Variants in ABHD2 observed in about 807,000 individuals in gnomAD.
ABHD2 encodes the protein monoacylglycerol lipase ABHD2.
A neutral mutation model predicts 48.1 loss-of-function variants in ABHD2; 20 were observed. The observed-to-expected ratio is 0.42, with a 90% confidence interval of 0.29 to 0.60. The LOEUF (loss-of-function observed/expected upper bound fraction) is 0.60, where lower values mean the gene tolerates loss of function less well. Among genes scored for constraint, ABHD2 ranks in the 20% least tolerant of loss-of-function variants. The pLI is 0.24. For synonymous variants in ABHD2, 209 were observed against 214.2 expected, an observed-to-expected ratio of 0.98 and a Z score of 0.21; for missense variants, 405 against 550.9, an observed-to-expected ratio of 0.74 and a Z score of 2.65.
chr15:89,152,829 C>T lies in ABHD2; in HGVS notation c.370+977C>T, dbSNP rs2050615130. On this transcript the variant is annotated intron_variant, in intron 4 of 10. Coordinates refer to ENST00000352732, the MANE Select transcript of ABHD2 (RefSeq NM_152924.5). ...AAATAGCATTCATTCTAAAATGCTT[C>T]ATAATGAAGACTTTTGAGGAAGTGG... 1.3e-5 allele frequency among the ~76,000 whole-genome samples: 2 copies of T among 152,210 alleles called. 1 individual carries two copies. Among genetic ancestry groups the T allele is most frequent in the South Asian group, 4.1e-4 (2 of 4,824 alleles).
rs2150859014 is a variant in ABHD2, at chr15:89,137,079, AT to A, written c.195-14597del. Among the ~76,000 whole-genome samples, 1 of 152,328 alleles carries A rather than the reference AT, an allele frequency of 6.6e-6. No homozygotes were observed. The highest frequency in any genetic ancestry group is 2.4e-5 in the African/African-American group (1 of 41,572). Reference sequence around the variant, plus strand: ...GCCTTCTCCTAAAGTTAGGTCACTAATCTTTGACTGGCTGTTTGCAGGACCA... The same window carrying A: ...GCCTTCTCCTAAAGTTAGGTCACTAACTTTGACTGGCTGTTTGCAGGACCA... On this transcript the variant is annotated intron_variant, in intron 3 of 10. Coordinates refer to ENST00000352732, the MANE Select transcript of ABHD2 (RefSeq NM_152924.5). This position sits in a 1 kb window ranked among gnomAD's most constrained non-coding sequence, Gnocchi z 4.8.
rs892999223 is a variant in ABHD2, at chr15:89,196,211, C to T, written c.*788C>T. On this transcript the variant is annotated 3_prime_UTR_variant, in exon 11 of 11. Transcript: ENST00000352732. Reference sequence around the variant, plus strand: ...TTAAATTGGAAACATCTTTGCAGCTCGTTTTATTGAAATTCATAATCAGGG... The same window carrying T: ...TTAAATTGGAAACATCTTTGCAGCTTGTTTTATTGAAATTCATAATCAGGG... The T allele has an allele frequency of 8.5e-5, 13 of 152,172 alleles. No individual in the cohort carries two copies. The highest frequency in any genetic ancestry group is 6.5e-4 in the Admixed American group (10 of 15,278). 9.4% of individuals were successfully genotyped at this position (152,172 alleles called of 1,614,324 possible).
At chr15:89,045,903 G>A in the ABHD2 span, among the ~76,000 whole-genome samples, 9 of 152,134 alleles carry the variant, frequency 5.9e-5, no homozygotes, top group African/African-American at 9.7e-5. Flanking sequence ...TCTCCTGCCT[G>A]ATTGCCCTGG....
intron 3 of ABHD2, chr15:89,135,406 C>G: frequency 2.2e-6 from 1 of 460,356 alleles, no homozygotes; most frequent in East Asian, 3.8e-5. Context: ...GTTAACTATA[C>G]AAAAAAAAAA....
chr15:89,042,069 T>TA, the ABHD2 span, among the ~76,000 whole-genome samples: 1 of 152,230 alleles, frequency 6.6e-6, no homozygotes, highest in Non-Finnish European at 1.5e-5. Context: ...AGCACTCATC[T>TA]AAGCCCTTTA....
At chr15:89,048,244 T>C in the ABHD2 span, among the ~76,000 whole-genome samples, 1 of 152,120 alleles carries the variant, frequency 6.6e-6, no homozygotes, top group Admixed American at 6.6e-5. Context: ...TCTTCTGGCT[T>C]GTAGAGTTTC....
rs930330612 is a variant in ABHD2, at chr15:89,174,572, C to A, written c.539-1240C>A. Among the ~76,000 whole-genome samples, 6 of 152,208 alleles carry A rather than the reference C, an allele frequency of 3.9e-5. No individual in the cohort carries two copies. Among genetic ancestry groups the A allele is most frequent in the African/African-American group, 1.4e-4 (6 of 41,456 alleles). On this transcript the variant is annotated intron_variant, in intron 5 of 10. Transcript: ENST00000352732. This position sits in a 1 kb window ranked among gnomAD's most constrained non-coding sequence, Gnocchi z 4.1. ...CCCAGGCTCAAAAGATACTTTCCCC[C>A]ATGGCTTGATGATTAGGGAAGGAGC...
At chr15:89,131,400 C>G (rs957592706) in intron 3 of ABHD2, among the ~76,000 whole-genome samples, 1 of 152,180 alleles carries the variant, frequency 6.6e-6, no homozygotes, top group Non-Finnish European at 1.5e-5. Context: ...GCTTTCTGGA[C>G]ATTTATGGTT....
Position 89,152,356 on chromosome 15 carries a change from G to A in ABHD2, c.370+504G>A, listed in dbSNP as rs533543686. On this transcript the variant is annotated intron_variant, in intron 4 of 10. Transcript: ENST00000352732. ...GGCCTCCCAAAGTGCTGGGATTACAGGCGTGAGCCACCGCCCCCAGCCGTA... is the reference window on the plus strand; with the variant it reads ...GGCCTCCCAAAGTGCTGGGATTACAAGCGTGAGCCACCGCCCCCAGCCGTA... Among the ~76,000 whole-genome samples the A allele has an allele frequency of 4.6e-5, 7 of 152,284 alleles. No homozygotes were observed. The South Asian group carries it at 1.2e-3, about 27-fold the overall frequency.
intron 1 of ABHD2, among the ~76,000 whole-genome samples, chr15:89,099,796 C>T (rs375468138): frequency 1.3e-5 from 2 of 151,806 alleles, no homozygotes; most frequent in Non-Finnish European, 2.9e-5. Flanking sequence ...CCCAGCTACT[C>T]GGGAGGCTGA....
intron 9 of ABHD2, among the ~76,000 whole-genome samples, chr15:89,191,984 A>G (rs1481485637): frequency 1.3e-5 from 2 of 152,238 alleles, no homozygotes; most frequent in Non-Finnish European, 2.9e-5. Flanking sequence ...AGCAGCTACA[A>G]TAAACTTTGT....
Position 89,149,442 on chromosome 15 carries a change from T to C in ABHD2, c.195-2235T>C, listed in dbSNP as rs74029908. ...CTAAGTGTCTCTATATTCTGTTCAT[T>C]GAAGCAAATCTCCCCCAGGTGTGTA... is the stretch of plus-strand genomic sequence containing the variant. On this transcript the variant is annotated intron_variant, in intron 3 of 10. Transcript: ENST00000352732. Among the ~76,000 whole-genome samples the C allele has an allele frequency of 2.7e-3, 404 of 152,296 alleles. 2 individuals carry two copies. Among genetic ancestry groups the C allele is most frequent in the African/African-American group, 9.0e-3 (376 of 41,566 alleles).
At position 89,200,239 on chromosome 15, in the gene ABHD2, A is replaced by C. The variant is rs2051452501; in HGVS notation, c.*4816A>C. ...AACTTGGGGAGGGCAGAAAGATCACACACAAGGCTGTCACTTCATACTTGC... is the reference window on the plus strand; with the variant it reads ...AACTTGGGGAGGGCAGAAAGATCACCCACAAGGCTGTCACTTCATACTTGC... On this transcript the variant is annotated 3_prime_UTR_variant, in exon 11 of 11. Transcript: ENST00000352732. The C allele has an allele frequency of 6.6e-6, 1 of 152,270 alleles. No homozygotes were observed. Among genetic ancestry groups the C allele is most frequent in the South Asian group, 2.1e-4 (1 of 4,834 alleles). The allele number at this position is 152,270 out of a possible 1,614,324, so 9.4% of individuals were successfully genotyped here. A position where few individuals can be genotyped will look rare whatever the true frequency, so the allele number is the denominator to read the frequency against.
the ABHD2 span, among the ~76,000 whole-genome samples, chr15:89,080,361 T>C: frequency 6.6e-6 from 1 of 152,180 alleles, no homozygotes; most frequent in Non-Finnish European, 1.5e-5. Context: ...ACAATGAAGA[T>C]TTTGTTGGTA....
the ABHD2 span, among the ~76,000 whole-genome samples, chr15:89,070,825 G>A: frequency 6.6e-6 from 1 of 152,084 alleles, no homozygotes; most frequent in Non-Finnish European, 1.5e-5. Context: ...CTATCCTGGG[G>A]ATAGGGAATA....
chr15:89,066,178 C>T, the ABHD2 span, among the ~76,000 whole-genome samples: 1 of 152,080 alleles, frequency 6.6e-6, no homozygotes, highest in Non-Finnish European at 1.5e-5. Context: ...GTACCACAAA[C>T]CTGGGGGCTT....
intron 3 of ABHD2, chr15:89,135,406 CAA>C (rs146662363): frequency 1.1e-4 from 52 of 459,244 alleles, no homozygotes; most frequent in East Asian, 3.0e-4. Flanking sequence ...GTTAACTATA[CAA>C]AAAAAAAAAG....
the ABHD2 span, among the ~76,000 whole-genome samples, chr15:89,066,625 C>T: frequency 6.6e-6 from 1 of 152,146 alleles, no homozygotes; most frequent in Non-Finnish European, 1.5e-5. Flanking sequence ...ATCATATTTC[C>T]TTCCCAAGGC....
intron 5 of ABHD2, among the ~76,000 whole-genome samples, chr15:89,160,758 G>A (rs1429632056): frequency 1.3e-5 from 2 of 152,168 alleles, no homozygotes; most frequent in Non-Finnish European, 2.9e-5. Context: ...GGTAGGAAGA[G>A]TGTGGCTCTT....
Sources: allele counts gnomAD v4.1 joint callset (sites outside exome capture counted in the v4.1 genomes callset), GRCh38; gene constraint gnomAD v4.1.1; non-coding constraint Gnocchi (gnomAD v3.1); transcripts MANE v1.5; gene names NCBI Gene and HGNC (gene_info 2026-07-23, HGNC 2026-07-21).